UBE2G1: variants seen among roughly 807,000 people sequenced by gnomAD.
UBE2G1 encodes the protein ubiquitin-conjugating enzyme E2 G1.
Under a neutral mutation model 22.7 loss-of-function variants are expected in UBE2G1, and 5 were observed. That is an observed-to-expected ratio of 0.22 (90% CI 0.12 to 0.46). The LOEUF (loss-of-function observed/expected upper bound fraction) is 0.46. Ranked by LOEUF, UBE2G1 falls within the 20% of genes least tolerant of loss-of-function variation. The pLI, the probability that UBE2G1 is intolerant of heterozygous loss-of-function variation, is 0.99. For missense variants in UBE2G1, 88 were observed against 203.9 expected (o/e 0.43, Z 3.46); for synonymous variants, 74 against 67.5 (o/e 1.10, Z -0.47).
intron 1 of UBE2G1, among the ~76,000 whole-genome samples, chr17:4,348,803 G>T (rs931630287): frequency 6.6e-6 from 1 of 151,774 alleles, no homozygotes; most frequent in African/African-American, 2.4e-5. Flanking sequence ...AGAGGTTGCA[G>T]TCAGCTGAGA....
At position 4,318,936 on chromosome 17, in the gene UBE2G1, CAT is replaced by C. The variant is rs553055574; in HGVS notation, c.47-11815_47-11814del. On this transcript the variant is annotated intron_variant, in intron 1 of 5. Coordinates refer to ENST00000396981, the MANE Select transcript of UBE2G1 (RefSeq NM_003342.5). ...AACAGTCTCAAAGAAATTACAGAAA[CAT>C]ATTTTTAAAGAAGACCAGAAAGAAA... Among the ~76,000 whole-genome samples, 34 of 152,248 alleles carry C rather than the reference CAT, an allele frequency of 2.2e-4. No homozygotes were observed. The South Asian group carries it at 6.2e-3, about 28-fold the overall frequency.
At chr17:4,360,211 A>C (rs993714981) in intron 1 of UBE2G1, among the ~76,000 whole-genome samples, 1 of 152,204 alleles carries the variant, frequency 6.6e-6, no homozygotes, top group African/African-American at 2.4e-5. Context: ...ACACACCCTT[A>C]GAGGTCATCT....
intron 2 of UBE2G1, among the ~76,000 whole-genome samples, chr17:4,299,540 T>G (rs958875553): frequency 6.6e-6 from 1 of 152,218 alleles, no homozygotes; most frequent in African/African-American, 2.4e-5. Context: ...TTACTTTTGA[T>G]TGGTTACATT....
chr17:4,286,329 C>A (rs948907374), intron 4 of UBE2G1, among the ~76,000 whole-genome samples: 1 of 148,050 alleles, frequency 6.8e-6, no homozygotes, highest in African/African-American at 2.5e-5. Flanking sequence ...CACTTGAACC[C>A]GGGAGGTGGA....
At chr17:4,320,065 T>C (rs979011895) in intron 1 of UBE2G1, among the ~76,000 whole-genome samples, 3 of 152,058 alleles carry the variant, frequency 2.0e-5, no homozygotes, top group African/African-American at 4.8e-5. Context: ...TATTTTTACA[T>C]TATCAGGATT....
Position 4,343,612 on chromosome 17 carries a change from G to A in UBE2G1, c.46+22659C>T, listed in dbSNP as rs530973785. Among the ~76,000 whole-genome samples the A allele has an allele frequency of 8.6e-5, 13 of 151,092 alleles. No individual in the cohort carries two copies. In the South Asian group the frequency reaches 2.3e-3, roughly 27 times the overall value. ...CCTTTTTTCTTTTTTTTTTTGAGACGGAGTCTCGCTCTGTCGCCCAGGCTG... is the reference window on the plus strand; with the variant it reads ...CCTTTTTTCTTTTTTTTTTTGAGACAGAGTCTCGCTCTGTCGCCCAGGCTG... On this transcript the variant is annotated intron_variant, in intron 1 of 5. Coordinates refer to ENST00000396981, the MANE Select transcript of UBE2G1 (RefSeq NM_003342.5).
intron 1 of UBE2G1, among the ~76,000 whole-genome samples, chr17:4,312,301 CA>C (rs1969319162): frequency 6.6e-6 from 1 of 151,980 alleles, no homozygotes; most frequent in Admixed American, 6.6e-5. Context: ...TATGGCTGAT[CA>C]CTGAGGTTGT....
At chr17:4,336,519 T>C (rs1224804227) in intron 1 of UBE2G1, among the ~76,000 whole-genome samples, 3 of 152,078 alleles carry the variant, frequency 2.0e-5, no homozygotes, top group African/African-American at 7.2e-5. Flanking sequence ...ATTTTCATAA[T>C]ATATAGTTAC....
chr17:4,321,158 A>T (rs1969432663), intron 1 of UBE2G1, among the ~76,000 whole-genome samples: 1 of 152,146 alleles, frequency 6.6e-6, no homozygotes, highest in Admixed American at 6.5e-5. Context: ...TTAAAAAAAA[A>T]TTAATTTAAA....
chr17:4,327,830 C>T lies in UBE2G1; in HGVS notation c.47-20707G>A, dbSNP rs894254445. ...AGACAGCACCATTAATAACCTATCA[C>T]GTACTTAGGATTCCTCCCAATACAG... is the stretch of plus-strand genomic sequence containing the variant. On this transcript the variant is annotated intron_variant, in intron 1 of 5. Transcript: ENST00000396981. Among the ~76,000 whole-genome samples the T allele has an allele frequency of 2.6e-5, 4 of 152,162 alleles. No homozygotes were observed. In the South Asian group the frequency reaches 8.3e-4, roughly 32 times the overall value.
At chr17:4,285,290 AAAAAAAGAAAAGG>A (rs1424027030) in intron 4 of UBE2G1, among the ~76,000 whole-genome samples, 1 of 152,126 alleles carries the variant, frequency 6.6e-6, no homozygotes, top group Admixed American at 6.6e-5. Flanking sequence ...TACAATGGGG[AAAAAAAGAAAAGG>A]AAAAAAGAAC....
At chr17:4,312,830 T>C (rs1969327303) in intron 1 of UBE2G1, among the ~76,000 whole-genome samples, 1 of 151,296 alleles carries the variant, frequency 6.6e-6, no homozygotes, top group South Asian at 2.1e-4. Context: ...TTCAGTCCAC[T>C]GGATTCAATT....
intron 1 of UBE2G1, among the ~76,000 whole-genome samples, chr17:4,357,981 AG>A (rs1969926726): frequency 1.3e-5 from 2 of 151,966 alleles, no homozygotes; most frequent in African/African-American, 4.8e-5. Flanking sequence ...ACAAAGAGAG[AG>A]AGACCCTGTC....
chr17:4,293,230 G>A (rs954478617), intron 3 of UBE2G1, among the ~76,000 whole-genome samples: 3 of 152,028 alleles, frequency 2.0e-5, no homozygotes, highest in Admixed American at 1.3e-4. Flanking sequence ...AAAGGGAATC[G>A]TACACTATGT....
At chr17:4,327,737 C>A (rs1389004229) in intron 1 of UBE2G1, among the ~76,000 whole-genome samples, 1 of 152,136 alleles carries the variant, frequency 6.6e-6, no homozygotes, top group Non-Finnish European at 1.5e-5. Flanking sequence ...GTGGCAGGTC[C>A]TAAAATACAG....
intron 1 of UBE2G1, among the ~76,000 whole-genome samples, chr17:4,328,579 T>C (rs1337791747): frequency 6.6e-6 from 1 of 152,220 alleles, no homozygotes; most frequent in Non-Finnish European, 1.5e-5. Flanking sequence ...CCTTAGCTTC[T>C]TTTGCATTCC....
intron 1 of UBE2G1, among the ~76,000 whole-genome samples, chr17:4,307,445 T>C (rs907335868): frequency 3.3e-5 from 5 of 152,168 alleles, no homozygotes; most frequent in African/African-American, 7.2e-5. Flanking sequence ...GAGATTCTCA[T>C]TGAGAGGGAG....
chr17:4,353,412 G>A (rs769625526), intron 1 of UBE2G1, among the ~76,000 whole-genome samples: 2 of 150,416 alleles, frequency 1.3e-5, no homozygotes, highest in Non-Finnish European at 2.9e-5. Flanking sequence ...AACTAGTGTC[G>A]ATCAACGAAA....
At chr17:4,285,718 G>A (rs768342397) in intron 4 of UBE2G1, among the ~76,000 whole-genome samples, 4 of 152,146 alleles carry the variant, frequency 2.6e-5, no homozygotes, top group Admixed American at 6.6e-5. Context: ...TTGGGAGGCC[G>A]AGGCAGGCGG....
Sources: allele counts gnomAD v4.1 joint callset (sites outside exome capture counted in the v4.1 genomes callset), GRCh38; gene constraint gnomAD v4.1.1; transcripts MANE v1.5; gene names NCBI Gene and HGNC (gene_info 2026-07-23, HGNC 2026-07-21).